LRRC40: variants seen among roughly 807,000 people sequenced by gnomAD.
The protein encoded by LRRC40 is leucine rich repeat containing 40, also known as leucine-rich repeat-containing protein 40.
A neutral mutation model predicts 72.8 loss-of-function variants in LRRC40; 76 were observed. That is an observed-to-expected ratio of 1.04 (90% confidence interval 0.87 to 1.26). The LOEUF is 1.26. Among genes scored for constraint, LRRC40 ranks in the 50% most tolerant of loss-of-function variants. The probability of loss-of-function intolerance (pLI) is 0.00; values close to 1 mark genes in which losing one functional copy is unlikely to be tolerated. For synonymous variants in LRRC40, 243 were observed against 254.2 expected (o/e 0.96, Z 0.42); for missense variants, 684 against 698.9 (o/e 0.98, Z 0.24).
At chr1:70,202,021 A>G (rs1445775587) in intron 1 of LRRC40, among the ~76,000 whole-genome samples, 2 of 152,164 alleles carry the variant, frequency 1.3e-5, no homozygotes, top group Non-Finnish European at 2.9e-5. Flanking sequence ...TACACCCACT[A>G]AAATGGCCAA....
intron 10 of LRRC40, among the ~76,000 whole-genome samples, chr1:70,157,885 C>T (rs974199989): frequency 2.7e-4 from 41 of 152,032 alleles, no homozygotes; most frequent in Non-Finnish European, 5.7e-4. Context: ...AGGAGGATCA[C>T]TTGAGCTCAA....
chr1:70,189,297 G>T, intron 1 of LRRC40, 24 bp from the exon 2 acceptor site: 5 of 770,624 alleles, frequency 6.5e-6, no homozygotes, highest in Admixed American at 5.0e-5. Context: ...CACCACACCA[G>T]GAAAAAAAAA....
chr1:70,155,776 A>G lies in LRRC40; in HGVS notation c.1241T>C (p.Ile414Thr). 6.4e-7 allele frequency: 1 copy of G among 1,568,008 alleles called. No homozygotes were observed. Among genetic ancestry groups the G allele is most frequent in the Non-Finnish European group, 8.7e-7 (1 of 1,149,490 alleles). ...LDYSDKQATL[I>T]PDEVFDAVKS... is the part of the protein sequence containing the mutation. ...TACTGCATCAAACACCTCATCAGGAATCAAAGTTGCTTGTTTATCACTAAA... is the reference window on the plus strand; with the variant it reads ...TACTGCATCAAACACCTCATCAGGAGTCAAAGTTGCTTGTTTATCACTAAA... Residue 414 changes from isoleucine to threonine, a missense_variant, in exon 11 of 15, where the codon ATT becomes ACT. Physicochemically the swap from Ile to Thr is moderately conservative, Grantham distance 89. Coordinates refer to ENST00000370952, the MANE Select transcript of LRRC40 (RefSeq NM_017768.5).
At chr1:70,200,029 T>C (rs1668702086) in intron 1 of LRRC40, among the ~76,000 whole-genome samples, 1 of 152,170 alleles carries the variant, frequency 6.6e-6, no homozygotes, top group African/African-American at 2.4e-5. Context: ...TAATAAAATC[T>C]CTCACTGCCC....
chr1:70,177,493 T>TA (rs982874172), intron 6 of LRRC40, among the ~76,000 whole-genome samples: 7 of 152,158 alleles, frequency 4.6e-5, no homozygotes, highest in Non-Finnish European at 8.8e-5. Flanking sequence ...CATGTCACAG[T>TA]AAAAAATGAT....
chr1:70,160,817 G>A (rs1339016760), intron 9 of LRRC40, among the ~76,000 whole-genome samples: 1 of 151,492 alleles, frequency 6.6e-6, no homozygotes, highest in East Asian at 1.9e-4. Flanking sequence ...TTTTAACCAT[G>A]TGCATTTACT....
chr1:70,190,677 T>TAAAAAA (rs59341874), intron 1 of LRRC40, among the ~76,000 whole-genome samples: 5,761 of 54,094 alleles, frequency 0.11, 612 homozygotes, highest in East Asian at 0.33. Context: ...ACCCTGTCTC[T>TAAAAAA]AAAAAAAAAA....
chr1:70,168,194 G>A (rs1465198783), intron 9 of LRRC40, among the ~76,000 whole-genome samples: 1 of 152,152 alleles, frequency 6.6e-6, no homozygotes, highest in African/African-American at 2.4e-5. Flanking sequence ...CCAGCTTCCT[G>A]TTGCTAATGC....
At chr1:70,162,535 C>A (rs993713728) in intron 9 of LRRC40, among the ~76,000 whole-genome samples, 4 of 152,236 alleles carry the variant, frequency 2.6e-5, no homozygotes, top group African/African-American at 9.6e-5. Flanking sequence ...CACTAAATAT[C>A]CAAACCTATT....
intron 9 of LRRC40, among the ~76,000 whole-genome samples, chr1:70,165,889 T>C (rs938396287): frequency 5.3e-5 from 8 of 152,200 alleles, no homozygotes; most frequent in African/African-American, 1.9e-4. Context: ...TAGATACGTA[T>C]GTAGATTGCT....
rs750616886 is a variant in LRRC40, at chr1:70,159,300, T to C, written c.1220+30A>G. The C allele has an allele frequency of 4.7e-6, 5 of 1,065,068 alleles. No individual in the cohort carries two copies. In the African/African-American group the frequency reaches 6.5e-5, roughly 14 times the overall value. The allele number at this position is 1,065,068 out of a possible 1,614,324, so 66.0% of individuals were successfully genotyped here. A position where few individuals can be genotyped will look rare whatever the true frequency, so the allele number is the denominator to read the frequency against. On this transcript the variant is annotated intron_variant, in intron 10 of 14. Transcript: ENST00000370952. ...GCAACACAGTAAGACCCTATCTCTA[T>C]AAAAATAAAAATAATAATAAATTAC...
chr1:70,180,627 A>G (rs1422081257), intron 5 of LRRC40, among the ~76,000 whole-genome samples: 2 of 152,170 alleles, frequency 1.3e-5, no homozygotes, highest in Non-Finnish European at 2.9e-5. Flanking sequence ...AGAACCAATA[A>G]ATTTTGACAT....
In LRRC40 at chr1:70,148,634, GT is replaced by G. The variant is rs773632159; in HGVS notation, c.1555del (p.Thr519HisfsTer6). ...MLPEVLYRIFTLETILISNNQ... is the reference protein window; with the variant it reads ...MLPEVLYRIFXLETILISNNQ... ...ATTACTAATCAGAATTGTTTCAAGT[GT>G]GAAGATACGATATAGAACTTCAGGT... On this transcript the variant is annotated frameshift_variant, in exon 14 of 15. Coordinates refer to ENST00000370952, the MANE Select transcript of LRRC40 (RefSeq NM_017768.5). LOFTEE classifies it high-confidence loss of function. 1 of 1,611,966 alleles carries G rather than the reference GT, an allele frequency of 6.2e-7. No homozygotes were observed. Among genetic ancestry groups the G allele is most frequent in the Non-Finnish European group, 8.5e-7 (1 of 1,178,520 alleles).
chr1:70,179,291 G>A (rs112969120), intron 5 of LRRC40, among the ~76,000 whole-genome samples: 3 of 152,156 alleles, frequency 2.0e-5, no homozygotes, highest in African/African-American at 7.2e-5. Flanking sequence ...AGACCAGCCT[G>A]GGCAACATAT....
intron 3 of LRRC40, 134 bp downstream of exon 3, chr1:70,187,131 C>A: frequency 1.2e-5 from 6 of 495,636 alleles, no homozygotes; most frequent in South Asian, 6.4e-5. Flanking sequence ...CTTTAAAAAA[C>A]TTAAAATTCT....
In LRRC40 at chr1:70,195,526, A is replaced by C. The variant is rs911865762; in HGVS notation, c.152-6253T>G. Among the ~76,000 whole-genome samples, 9 of 152,252 alleles carry C rather than the reference A, an allele frequency of 5.9e-5. No individual in the cohort carries two copies. In the South Asian group the frequency reaches 1.4e-3, roughly 25 times the overall value. ...GCCAACACAGCCACAAGAATAGTTA[A>C]TATTTAAAAGACTGAATACAAAGTG... On this transcript the variant is annotated intron_variant, in intron 1 of 14. Coordinates refer to ENST00000370952, the MANE Select transcript of LRRC40 (RefSeq NM_017768.5).
At chr1:70,168,242 C>T (rs1667929999) in intron 9 of LRRC40, among the ~76,000 whole-genome samples, 1 of 152,186 alleles carries the variant, frequency 6.6e-6, no homozygotes, top group Non-Finnish European at 1.5e-5. Context: ...TCCCTTCTTC[C>T]ACTCTGGTCA....
At chr1:70,195,888 G>A (rs945137019) in intron 1 of LRRC40, among the ~76,000 whole-genome samples, 5 of 152,002 alleles carry the variant, frequency 3.3e-5, no homozygotes, top group Admixed American at 6.5e-5. Flanking sequence ...CACCTGCCTC[G>A]GCCTCCCAAA....
At chr1:70,204,880 C>A (rs1668879421) in intron 1 of LRRC40, among the ~76,000 whole-genome samples, 1 of 152,138 alleles carries the variant, frequency 6.6e-6, no homozygotes, top group African/African-American at 2.4e-5. Context: ...CTATCCTGAT[C>A]TTCAACTTAG....
Sources: allele counts gnomAD v4.1 joint callset (sites outside exome capture counted in the v4.1 genomes callset), GRCh38; gene constraint gnomAD v4.1.1; transcripts MANE v1.5; gene names NCBI Gene and HGNC (gene_info 2026-07-23, HGNC 2026-07-21).